DYM: variants seen among roughly 807,000 people sequenced by gnomAD.
The protein encoded by DYM is dyggve-Melchior-Clausen syndrome protein.
A neutral mutation model predicts 93.1 loss-of-function variants in DYM; 78 were observed. The ratio of observed to expected loss-of-function variants is 0.84; its 90% confidence interval spans 0.70 to 1.01. DYM has a LOEUF of 1.01. Among genes scored for constraint, DYM ranks in the 50% least tolerant of loss-of-function variants. The pLI, the probability that DYM is intolerant of heterozygous loss-of-function variation, is 0.00. For missense variants in DYM, 789 were observed against 845.0 expected, an observed-to-expected ratio of 0.93 and a Z score of 0.82; for synonymous variants, 321 against 319.7, an observed-to-expected ratio of 1.00 and a Z score of -0.04.
intron 3 of DYM, among the ~76,000 whole-genome samples, chr18:49,387,930 AG>A: frequency 6.6e-6 from 1 of 152,350 alleles, no homozygotes; most frequent in South Asian, 2.1e-4. Context: ...AGAGTATACA[AG>A]AATGCTCTAT....
intron 8 of DYM, among the ~76,000 whole-genome samples, chr18:49,314,987 G>A (rs1471749613): frequency 6.6e-6 from 1 of 152,164 alleles, no homozygotes; most frequent in East Asian, 1.9e-4. Context: ...GGCCGAGGCA[G>A]GTGGATGGCT....
chr18:49,422,362 A>G (rs1008279828), intron 2 of DYM, among the ~76,000 whole-genome samples: 2 of 152,226 alleles, frequency 1.3e-5, no homozygotes, highest in South Asian at 4.1e-4. Context: ...AACATTCTTA[A>G]AGAAAATAAT....
rs536973094 is a variant in DYM at position 49,217,147 on chromosome 18, G to C, written c.1461-7432C>G. Among the ~76,000 whole-genome samples the C allele has an allele frequency of 1.1e-4, 16 of 152,282 alleles. 1 individual carries two copies. In the South Asian group the frequency reaches 2.9e-3, roughly 28 times the overall value. On this transcript the variant is annotated intron_variant, in intron 13 of 17. Transcript: ENST00000675505. ...GCCAATGCGATCAACTGGAAGAAAG[G>C]GTATCAGTGATGCAAGATGAAATGA... is the stretch of plus-strand genomic sequence containing the variant.
chr18:49,386,983 A>G (rs1401893841), intron 3 of DYM, among the ~76,000 whole-genome samples: 1 of 147,850 alleles, frequency 6.8e-6, no homozygotes, highest in African/African-American at 2.5e-5. Flanking sequence ...TCACTCTGTC[A>G]CCTAGGCTGA....
intron 17 of DYM, among the ~76,000 whole-genome samples, chr18:49,071,127 GC>G (rs1336319599): frequency 6.6e-6 from 1 of 152,164 alleles, no homozygotes; most frequent in Non-Finnish European, 1.5e-5. Context: ...GTGCCTACCT[GC>G]TTTTATTTTT....
chr18:49,254,938 A>G (rs2094360940), intron 13 of DYM, among the ~76,000 whole-genome samples: 1 of 152,208 alleles, frequency 6.6e-6, no homozygotes, highest in South Asian at 2.1e-4. Context: ...AAAAACTCCA[A>G]GGTAGGAGGA....
intron 13 of DYM, among the ~76,000 whole-genome samples, chr18:49,221,098 C>T (rs1165940565): frequency 5.9e-5 from 9 of 152,082 alleles, no homozygotes; most frequent in Admixed American, 6.5e-5. Context: ...GGGTGAAGAA[C>T]ATGAACAGAC....
intron 10 of DYM, among the ~76,000 whole-genome samples, chr18:49,274,551 CAGG>C (rs1185879116): frequency 6.6e-6 from 1 of 152,096 alleles, no homozygotes; most frequent in Non-Finnish European, 1.5e-5. Flanking sequence ...TTCATTGTTT[CAGG>C]AACTACCAGA....
At chr18:49,155,764 A>T (rs1308741979) in intron 15 of DYM, among the ~76,000 whole-genome samples, 1 of 152,202 alleles carries the variant, frequency 6.6e-6, no homozygotes, top group Non-Finnish European at 1.5e-5. Flanking sequence ...AGTATCTCAC[A>T]TGGTATCTCA....
intron 13 of DYM, among the ~76,000 whole-genome samples, chr18:49,216,717 C>A (rs1270895062): frequency 6.6e-6 from 1 of 152,112 alleles, no homozygotes; most frequent in Non-Finnish European, 1.5e-5. Context: ...GGAAAACTAA[C>A]AAACAGAAAG....
At chr18:49,056,632 G>A (rs963109485) in intron 17 of DYM, among the ~76,000 whole-genome samples, 19 of 152,072 alleles carry the variant, frequency 1.2e-4, no homozygotes, top group African/African-American at 3.9e-4. Flanking sequence ...CAACCTCCCA[G>A]GCTCAAGCGA....
intron 17 of DYM, among the ~76,000 whole-genome samples, chr18:49,049,025 T>C (rs1478898324): frequency 6.6e-6 from 1 of 152,202 alleles, no homozygotes; most frequent in Non-Finnish European, 1.5e-5. Context: ...ATATAGCATA[T>C]GATAGTACAC....
chr18:49,090,211 G>A (rs564991527), intron 17 of DYM, among the ~76,000 whole-genome samples: 1 of 152,136 alleles, frequency 6.6e-6, no homozygotes. Context: ...GAAACTCAAG[G>A]AGAGTCAGAA....
At chr18:49,265,576 C>T (rs1004842413) in intron 11 of DYM, among the ~76,000 whole-genome samples, 3 of 151,712 alleles carry the variant, frequency 2.0e-5, no homozygotes, top group South Asian at 4.2e-4. Context: ...GTCGCGAGTT[C>T]GAGACTAGCC....
In DYM at chr18:49,363,231, A is replaced by G. The variant is rs772542925; in HGVS notation, c.424T>C (p.Ser142Pro). The G allele has an allele frequency of 2.5e-6, 4 of 1,612,984 alleles. No homozygotes were observed. The East Asian group carries it at 8.9e-5, about 36-fold the overall frequency. Reference sequence around the variant, plus strand: ...TCTTCCAAAAGATCTTCTGAGTCAGAACCTGGTAAGACACATAAAAAGATT... The same window carrying G: ...TCTTCCAAAAGATCTTCTGAGTCAGGACCTGGTAAGACACATAAAAAGATT... ...YEEKSPGNYS[S>P]DSEDLLEELL... Residue 142 changes from serine (S) to proline (P), a missense_variant and splice_region_variant, in exon 6 of 18, where the codon TCT becomes CCT. Transcript: ENST00000675505.
intron 1 of DYM, among the ~76,000 whole-genome samples, chr18:49,441,427 A>G (rs567893101): frequency 6.0e-5 from 8 of 133,490 alleles, no homozygotes; most frequent in African/African-American, 2.3e-4. Context: ...GACTTTAAGG[A>G]GAAAGCTGAA....
In DYM at chr18:49,144,606, C is replaced by T. The variant is rs754973929; in HGVS notation, c.1728+19079G>A. ...AGTAGAAATCTGGTTGTTACAGATG[C>T]TCAAAGCTGTTATTGGGTTGGTCAC... On this transcript the variant is annotated intron_variant, in intron 15 of 17. Coordinates refer to ENST00000675505, the MANE Select transcript of DYM (RefSeq NM_001353214.3). Among the ~76,000 whole-genome samples the T allele has an allele frequency of 3.0e-4, 45 of 152,208 alleles. 1 individual carries two copies. Among genetic ancestry groups the T allele is most frequent in the Middle Eastern group, 3.4e-3 (1 of 294 alleles).
intron 8 of DYM, among the ~76,000 whole-genome samples, chr18:49,313,441 C>A (rs997148509): frequency 2.7e-4 from 27 of 101,362 alleles, no homozygotes; most frequent in African/African-American, 1.0e-3. Flanking sequence ...CCAGTCTCGG[C>A]AACAGAGCAA....
chr18:49,289,796 T>C lies in DYM; in HGVS notation c.764-3180A>G, dbSNP rs7243754. Reference sequence around the variant, plus strand: ...ATACACATATATATATATACACACATATATATATATATACACATATATATT... The same window carrying C: ...ATACACATATATATATATACACACACATATATATATATACACATATATATT... On this transcript the variant is annotated intron_variant, in intron 8 of 17. Transcript: ENST00000675505. Among the ~76,000 whole-genome samples the C allele has an allele frequency of 1.8e-3, 148 of 82,060 alleles. 3 individuals carry two copies. Among genetic ancestry groups the C allele is most frequent in the African/African-American group, 9.2e-3 (127 of 13,848 alleles). The allele number at this position is 82,060 out of a possible 152,430, so 53.8% of individuals were successfully genotyped here.
Sources: allele counts gnomAD v4.1 joint callset (sites outside exome capture counted in the v4.1 genomes callset), GRCh38; gene constraint gnomAD v4.1.1; transcripts MANE v1.5; gene names NCBI Gene and HGNC (gene_info 2026-07-23, HGNC 2026-07-21).